The following TTC23 variants were observed in gnomAD, a reference collection of about 807,000 sequenced individuals.
TTC23 encodes tetratricopeptide repeat protein 23.
TTC23 carries 58 observed loss-of-function variants against 55.1 expected under a neutral mutation model. That is an observed-to-expected ratio of 1.05 (90% CI 0.85 to 1.31). The LOEUF is 1.31. Among genes scored for constraint, TTC23 ranks in the 50% most tolerant of loss-of-function variants. The pLI is 0.00. For synonymous variants in TTC23, 203 were observed against 199.9 expected (o/e 1.02, Z -0.13); for missense variants, 516 against 534.4 (o/e 0.97, Z 0.34).
intron 9 of TTC23, among the ~76,000 whole-genome samples, chr15:99,182,248 T>TCACACACACA (rs56223763): frequency 1.8e-5 from 2 of 108,606 alleles, no homozygotes; most frequent in African/African-American, 7.7e-5. Flanking sequence ...TCTCTCTCTC[T>TCACACACACA]CACACACACA....
intron 4 of TTC23, among the ~76,000 whole-genome samples, chr15:99,233,392 T>C (rs1307063164): frequency 6.6e-6 from 1 of 152,186 alleles, no homozygotes; most frequent in Non-Finnish European, 1.5e-5. Context: ...ATGAGAATAT[T>C]GTGAACACCT....
intron 9 of TTC23, among the ~76,000 whole-genome samples, chr15:99,199,132 C>T (rs1457664714): frequency 1.3e-5 from 2 of 151,980 alleles, no homozygotes; most frequent in African/African-American, 4.8e-5. Flanking sequence ...ATATCGGTGG[C>T]CCTCATCAAA....
At chr15:99,221,082 T>A (rs1020752823) in intron 6 of TTC23, among the ~76,000 whole-genome samples, 6 of 152,178 alleles carry the variant, frequency 3.9e-5, no homozygotes, top group Non-Finnish European at 5.9e-5. Flanking sequence ...TCCCGGGATT[T>A]TGGTGGAGGG....
intron 6 of TTC23, among the ~76,000 whole-genome samples, chr15:99,219,721 A>T (rs1258114613): frequency 1.3e-5 from 2 of 152,096 alleles, no homozygotes; most frequent in African/African-American, 4.8e-5. Context: ...GAGGACTGAG[A>T]TCGCTAGCAC....
At chr15:99,207,522 G>A (rs946074798) in intron 8 of TTC23, among the ~76,000 whole-genome samples, 4 of 152,338 alleles carry the variant, frequency 2.6e-5, no homozygotes, top group African/African-American at 9.6e-5. Context: ...ACTTTGGGGA[G>A]GCCGAGGCAG....
chr15:99,206,283 G>A (rs2076621642), intron 8 of TTC23, among the ~76,000 whole-genome samples: 1 of 152,012 alleles, frequency 6.6e-6, no homozygotes, highest in South Asian at 2.1e-4. Context: ...TTTTTGATGT[G>A]TCTTTGTCTG....
rs1333996565 is a variant in TTC23, at chr15:99,218,651, C to T, written c.518G>A (p.Cys173Tyr). 1 of 1,614,092 alleles carries T rather than the reference C, an allele frequency of 6.2e-7. No homozygotes were observed. Among genetic ancestry groups the T allele is most frequent in the Non-Finnish European group, 8.5e-7 (1 of 1,180,050 alleles). Residue 173 changes from cysteine (C) to tyrosine (Y), a missense_variant, in exon 8 of 14, where the codon TGT becomes TAT. Transcript: ENST00000394132. ...AERLSKELLQCGRIIKEEWIE... is the reference protein window; with the variant it reads ...AERLSKELLQYGRIIKEEWIE... ...CCATTCTTCCTTTATAATTCTTCCA[C>T]ATTGTAGCAGCTCCTTTGAAAGTCT...
At chr15:99,138,447 A>G (rs1475879606) in intron 13 of TTC23, among the ~76,000 whole-genome samples, 1 of 151,876 alleles carries the variant, frequency 6.6e-6, no homozygotes, top group Non-Finnish European at 1.5e-5. Context: ...CCGAGTAGCC[A>G]GGATTACAGG....
intron 5 of TTC23, among the ~76,000 whole-genome samples, chr15:99,223,264 T>C (rs923648323): frequency 6.6e-6 from 1 of 152,186 alleles, no homozygotes; most frequent in African/African-American, 2.4e-5. Context: ...AATTCATATA[T>C]TTAAGTCCCA....
chr15:99,211,094 G>C (rs1456336519), intron 8 of TTC23, among the ~76,000 whole-genome samples: 2 of 152,176 alleles, frequency 1.3e-5, no homozygotes, highest in South Asian at 4.1e-4. Context: ...GAATATACAG[G>C]TTGGGTGCAG....
intron 4 of TTC23, among the ~76,000 whole-genome samples, chr15:99,231,814 C>T (rs559052708): frequency 3.4e-5 from 5 of 147,788 alleles, no homozygotes; most frequent in East Asian, 2.1e-4. Context: ...TGTTTTGAGA[C>T]GGAGTTTCAC....
At chr15:99,249,946 T>C (rs1293482954), upstream of TTC23, 1 of 152,154 alleles carries the variant, frequency 6.6e-6, no homozygotes, top group Admixed American at 6.5e-5. Context: ...ACATGATTCA[T>C]TTTTCATGAT....
chr15:99,204,140 C>A (rs1336906728), intron 8 of TTC23, among the ~76,000 whole-genome samples: 2 of 152,206 alleles, frequency 1.3e-5, no homozygotes, highest in Non-Finnish European at 2.9e-5. Context: ...CCTTTCTCCA[C>A]ATCCTCACCA....
intron 10 of TTC23, among the ~76,000 whole-genome samples, chr15:99,172,121 G>A (rs2073026959): frequency 6.6e-6 from 1 of 151,440 alleles, no homozygotes; most frequent in Non-Finnish European, 1.5e-5. Context: ...AGGTTCAAGT[G>A]ACTCTCATGC....
rs368073422 is a variant in TTC23 at position 99,205,590 on chromosome 15, GT to G, written c.582-5495del. Among the ~76,000 whole-genome samples the G allele has an allele frequency of 9.2e-4, 130 of 141,320 alleles. 1 individual carries two copies. The South Asian group carries it at 0.013, about 14-fold the overall frequency. The allele number at this position is 141,320 out of a possible 152,430, so 92.7% of individuals were successfully genotyped here. A position where few individuals can be genotyped will look rare whatever the true frequency, so the allele number is the denominator to read the frequency against. On this transcript the variant is annotated intron_variant, in intron 8 of 13. Coordinates refer to ENST00000394132, the MANE Select transcript of TTC23 (RefSeq NM_001288615.3). ...CTATTGTAAATGGCATTACTTTCTT[GT>G]TTTTTTTTTTCCAGATTGCTAGCTG...
At chr15:99,149,566 C>G (rs2069422256) in intron 12 of TTC23, among the ~76,000 whole-genome samples, 1 of 152,226 alleles carries the variant, frequency 6.6e-6, no homozygotes, top group Non-Finnish European at 1.5e-5. Flanking sequence ...GGCACCTGGC[C>G]CCTGCCCCAG....
chr15:99,160,643 A>G (rs1410356322), intron 11 of TTC23: 2 of 152,258 alleles, frequency 1.3e-5, no homozygotes, highest in Admixed American at 1.3e-4. Context: ...AACTATATAT[A>G]TATGTGTGTG....
intron 6 of TTC23, 22 bp from the exon 7 acceptor site, chr15:99,219,070 T>A (rs1236530488): frequency 6.2e-7 from 1 of 1,611,584 alleles, no homozygotes; most frequent in Non-Finnish European, 8.5e-7. Context: ...GAAAAAGAGG[T>A]CTCAGTTTCT....
intron 3 of TTC23, among the ~76,000 whole-genome samples, chr15:99,238,761 A>C (rs746749806): frequency 6.6e-5 from 10 of 152,230 alleles, no homozygotes; most frequent in Non-Finnish European, 1.0e-4. Context: ...GGTAAACACA[A>C]ATATTGGTTC....
Sources: gnomAD v4.1 joint callset for allele counts (sites outside exome capture counted in the v4.1 genomes callset) on GRCh38, gnomAD v4.1.1 for gene constraint, MANE v1.5 for transcripts, NCBI Gene and HGNC (gene_info 2026-07-23, HGNC 2026-07-21) for gene names.